Variants in PPP2R2C observed in about 807,000 individuals in gnomAD.
PPP2R2C encodes the protein protein phosphatase 2, regulatory subunit B, gamma.
A neutral mutation model predicts 45.3 loss-of-function variants in PPP2R2C; 10 were observed. The observed-to-expected ratio is 0.22, with a 90% CI of 0.14 to 0.37. The LOEUF (loss-of-function observed/expected upper bound fraction) is 0.37, where lower values mean the gene tolerates loss of function less well. Ranked by LOEUF, PPP2R2C falls within the 10% of genes least tolerant of loss-of-function variation. The pLI is 1.00. For synonymous variants in PPP2R2C, 257 were observed against 245.4 expected, an observed-to-expected ratio of 1.05 and a Z score of -0.44; for missense variants, 308 against 619.7, an observed-to-expected ratio of 0.50 and a Z score of 5.34.
chr4:6,460,704 G>A (rs1721278700), intron 1 of PPP2R2C, among the ~76,000 whole-genome samples: 2 of 152,268 alleles, frequency 1.3e-5, no homozygotes, highest in African/African-American at 4.8e-5. Flanking sequence ...AATATTTTCA[G>A]TGGTAGGATT....
intron 1 of PPP2R2C, among the ~76,000 whole-genome samples, chr4:6,458,221 C>T (rs1281934236): frequency 6.6e-6 from 1 of 152,216 alleles, no homozygotes; most frequent in African/African-American, 2.4e-5. Context: ...TTGTGTAAAA[C>T]ATCATGCAGG....
chr4:6,419,410 AGAGT>A (rs997120967), intron 1 of PPP2R2C, among the ~76,000 whole-genome samples: 16 of 151,916 alleles, frequency 1.1e-4, no homozygotes, highest in Non-Finnish European at 1.2e-4. Flanking sequence ...CCTAGGCGAC[AGAGT>A]GAGACTCTGT....
At chr4:6,403,902 C>T (rs942331245) in intron 1 of PPP2R2C, among the ~76,000 whole-genome samples, 1 of 151,906 alleles carries the variant, frequency 6.6e-6, no homozygotes, top group Non-Finnish European at 1.5e-5. Context: ...CCCCTCCTGC[C>T]TGACAGGGAT....
chr4:6,375,592 C>A (rs1715233290), intron 4 of PPP2R2C, among the ~76,000 whole-genome samples: 1 of 152,210 alleles, frequency 6.6e-6, no homozygotes, highest in African/African-American at 2.4e-5. Flanking sequence ...CAGCCATACA[C>A]CACCCCTGCA....
At chr4:6,550,412 A>G (rs1725144853) in intron 1 of PPP2R2C, among the ~76,000 whole-genome samples, 1 of 152,050 alleles carries the variant, frequency 6.6e-6, no homozygotes, top group Admixed American at 6.6e-5. Context: ...CGGGAAGGCT[A>G]CGCCCAGCTG....
intron 1 of PPP2R2C, among the ~76,000 whole-genome samples, chr4:6,464,646 C>T (rs1263741610): frequency 3.3e-5 from 5 of 152,170 alleles, no homozygotes; most frequent in South Asian, 2.1e-4. Flanking sequence ...AATTAGACTA[C>T]CTAATGTTGA....
At chr4:6,501,047 G>A (rs762385594) in intron 2 of PPP2R2C, among the ~76,000 whole-genome samples, 3 of 152,216 alleles carry the variant, frequency 2.0e-5, no homozygotes, top group Non-Finnish European at 2.9e-5. Context: ...CAACTCTGGG[G>A]GAAGAGAGAA....
upstream of PPP2R2C, among the ~76,000 whole-genome samples, chr4:6,474,842 C>G (rs1577210715): frequency 6.6e-6 from 1 of 151,514 alleles, no homozygotes; most frequent in East Asian, 2.0e-4. Flanking sequence ...AGCCCCCTGC[C>G]CACCCCCCAC....
At position 6,382,074 on chromosome 4, in the gene PPP2R2C, C is replaced by T; in HGVS notation, c.71-980G>A. ...AGGCCTGCTCCACCAACAAGTTTTA[C>T]TGCAGCCCCAAAATGATTATTACTT... On this transcript the variant is annotated intron_variant, in intron 1 of 8. Transcript: ENST00000382599. 2.2e-6 allele frequency: 3 copies of T among 1,386,930 alleles called. No homozygotes were observed. The South Asian group carries it at 4.8e-5, about 22-fold the overall frequency. The allele number at this position is 1,386,930 out of a possible 1,614,324, so 85.9% of individuals were successfully genotyped here.
chr4:6,427,239 G>C (rs1053560233), intron 1 of PPP2R2C, among the ~76,000 whole-genome samples: 1 of 152,258 alleles, frequency 6.6e-6, no homozygotes, highest in African/African-American at 2.4e-5. Flanking sequence ...CTCTGTGTTT[G>C]TTGGATGAAT....
At chr4:6,439,187 T>C (rs1282985699) in intron 1 of PPP2R2C, among the ~76,000 whole-genome samples, 2 of 152,232 alleles carry the variant, frequency 1.3e-5, no homozygotes, top group African/African-American at 4.8e-5. Flanking sequence ...ATACATTTGC[T>C]CTCCATTAAC....
intron 2 of PPP2R2C, among the ~76,000 whole-genome samples, chr4:6,529,716 G>A (rs1724331807): frequency 6.6e-6 from 1 of 152,238 alleles, no homozygotes; most frequent in South Asian, 2.1e-4. Context: ...ACTAGACCGT[G>A]AGCCCTAGGT....
chr4:6,457,879 C>G (rs1299216765), intron 1 of PPP2R2C, among the ~76,000 whole-genome samples: 1 of 152,208 alleles, frequency 6.6e-6, no homozygotes, highest in Non-Finnish European at 1.5e-5. Context: ...TTTCTCCAGA[C>G]CAGCTTCCAA....
intron 1 of PPP2R2C, among the ~76,000 whole-genome samples, chr4:6,554,274 G>A (rs1273055974): frequency 6.6e-6 from 1 of 152,184 alleles, no homozygotes; most frequent in African/African-American, 2.4e-5. Flanking sequence ...ACAGGCACAG[G>A]GAGAAAGGCA....
At chr4:6,406,956 C>A (rs938798705) in intron 1 of PPP2R2C, among the ~76,000 whole-genome samples, 1 of 151,980 alleles carries the variant, frequency 6.6e-6, no homozygotes, top group Non-Finnish European at 1.5e-5. Flanking sequence ...ATAAGAGACA[C>A]ACAGAGGAGA....
intron 5 of PPP2R2C, among the ~76,000 whole-genome samples, chr4:6,366,327 G>A (rs1714302065): frequency 6.6e-6 from 1 of 152,180 alleles, no homozygotes; most frequent in African/African-American, 2.4e-5. Flanking sequence ...CTGCACTTTA[G>A]GGTCTGGGGT....
chr4:6,375,476 T>G (rs1715225601), intron 4 of PPP2R2C, among the ~76,000 whole-genome samples: 1 of 152,260 alleles, frequency 6.6e-6, no homozygotes, highest in South Asian at 2.1e-4. Flanking sequence ...AGCTGAGCAG[T>G]TTTAGGTGAG....
At chr4:6,370,035 C>T (rs1231785702) in intron 5 of PPP2R2C, among the ~76,000 whole-genome samples, 3 of 152,228 alleles carry the variant, frequency 2.0e-5, no homozygotes, top group African/African-American at 7.2e-5. Flanking sequence ...GGAATCCTCA[C>T]AGCAGCCCAG....
At chr4:6,498,944 TCCTCTCTCC>T (rs1320010371) in intron 2 of PPP2R2C, among the ~76,000 whole-genome samples, 4 of 152,092 alleles carry the variant, frequency 2.6e-5, no homozygotes, top group African/African-American at 9.6e-5. Context: ...CCCCTCTCTC[TCCTCTCTCC>T]CCGTCCCTCT....
Sources: allele counts gnomAD v4.1 joint callset (sites outside exome capture counted in the v4.1 genomes callset), GRCh38; gene constraint gnomAD v4.1.1; transcripts MANE v1.5; gene names NCBI Gene and HGNC (gene_info 2026-07-23, HGNC 2026-07-21).